LRP1B: variants seen among roughly 807,000 people sequenced by gnomAD.
LRP1B encodes low-density lipoprotein receptor-related protein 1B.
LRP1B carries 217 observed loss-of-function variants against 556.6 expected under a neutral mutation model. The ratio of observed to expected loss-of-function variants is 0.39; its 90% CI spans 0.35 to 0.44. LRP1B has a LOEUF of 0.44. Among genes scored for constraint, LRP1B ranks in the 20% least tolerant of loss-of-function variants. The pLI is 1.00. For synonymous variants in LRP1B, 2,047 were observed against 1,865.8 expected (o/e 1.10, Z -2.50); for missense variants, 5,053 against 5,620.8 (o/e 0.90, Z 3.23).
intron 2 of LRP1B, among the ~76,000 whole-genome samples, chr2:141,735,047 C>T (rs983404175): frequency 2.6e-5 from 4 of 152,074 alleles, no homozygotes; most frequent in Non-Finnish European, 5.9e-5. Context: ...AATCCTACTC[C>T]AGCTATATAC....
intron 1 of LRP1B, among the ~76,000 whole-genome samples, chr2:142,009,232 T>A (rs576617572): frequency 6.6e-6 from 1 of 152,324 alleles, no homozygotes; most frequent in Non-Finnish European, 1.5e-5. Flanking sequence ...GAAGTTATCA[T>A]AATGGCAGAA....
chr2:141,583,906 A>ATTTTTT (rs113916906), intron 2 of LRP1B, among the ~76,000 whole-genome samples: 14 of 145,526 alleles, frequency 9.6e-5, no homozygotes, highest in Middle Eastern at 3.6e-3. Flanking sequence ...TGCCCGGCTA[A>ATTTTTT]TTTTTTTTTT....
At chr2:141,870,649 A>G (rs565465539) in intron 1 of LRP1B, among the ~76,000 whole-genome samples, 1 of 152,102 alleles carries the variant, frequency 6.6e-6, no homozygotes, top group Non-Finnish European at 1.5e-5. Flanking sequence ...AGGGGAACCA[A>G]GTTACTGCCA....
intron 66 of LRP1B, among the ~76,000 whole-genome samples, chr2:140,393,871 T>G (rs148441538): frequency 8.2e-4 from 125 of 152,292 alleles, no homozygotes; most frequent in African/African-American, 2.9e-3. Context: ...CTCTTAACTA[T>G]CAAAGCATGA....
At chr2:141,461,821 T>A (rs1681883339) in intron 3 of LRP1B, among the ~76,000 whole-genome samples, 1 of 152,252 alleles carries the variant, frequency 6.6e-6, no homozygotes, top group African/African-American at 2.4e-5. Flanking sequence ...ACAGTTTTCA[T>A]CATCTAACCA....
At chr2:141,941,110 C>T (rs1405498666) in intron 1 of LRP1B, among the ~76,000 whole-genome samples, 1 of 152,108 alleles carries the variant, frequency 6.6e-6, no homozygotes, top group African/African-American at 2.4e-5. Flanking sequence ...AATGCAATGG[C>T]CTGAAAGAAT....
intron 66 of LRP1B, among the ~76,000 whole-genome samples, chr2:140,405,884 A>G (rs1471008582): frequency 1.3e-5 from 2 of 152,178 alleles, no homozygotes; most frequent in South Asian, 4.1e-4. Flanking sequence ...CCAGGAAAGG[A>G]CATAAAAATA....
At chr2:140,589,976 T>C (rs867865610) in intron 43 of LRP1B, among the ~76,000 whole-genome samples, 4 of 152,102 alleles carry the variant, frequency 2.6e-5, no homozygotes, top group Non-Finnish European at 5.9e-5. Context: ...TGTACTATAC[T>C]TTTCCAAGAT....
chr2:140,322,390 T>TCCTAGAACCTGAAGTACCATTGGGA (rs1320560218), intron 81 of LRP1B, among the ~76,000 whole-genome samples: 1 of 152,042 alleles, frequency 6.6e-6, no homozygotes, highest in African/African-American at 2.4e-5. Flanking sequence ...TAAGAGTTGG[T>TCCTAGAACCTGAAGTACCATTGGGA]CCTAGAACCT....
At chr2:141,303,949 C>T (rs556785796) in intron 3 of LRP1B, among the ~76,000 whole-genome samples, 2 of 152,244 alleles carry the variant, frequency 1.3e-5, no homozygotes, top group South Asian at 2.1e-4. Context: ...TTAATAATAA[C>T]CATTCTAATT....
intron 1 of LRP1B, among the ~76,000 whole-genome samples, chr2:141,955,716 T>C (rs1041637596): frequency 5.3e-5 from 8 of 151,998 alleles, no homozygotes; most frequent in Non-Finnish European, 1.0e-4. Flanking sequence ...TTTCCCTTAT[T>C]GAGAACCACA....
At chr2:140,701,097 T>TA in intron 40 of LRP1B, among the ~76,000 whole-genome samples, 1 of 152,260 alleles carries the variant, frequency 6.6e-6, no homozygotes, top group Non-Finnish European at 1.5e-5. Context: ...TAAGTGAAGA[T>TA]AAAAAATGCA....
At chr2:140,989,388 G>T in intron 17 of LRP1B, 144 bp downstream of exon 17, 3 of 802,450 alleles carry the variant, frequency 3.7e-6, no homozygotes, top group Non-Finnish European at 4.0e-6. Flanking sequence ...AGCCTTTGTG[G>T]CATCAAACTC....
At chr2:140,861,321 CG>C (rs1410059488) in intron 27 of LRP1B, among the ~76,000 whole-genome samples, 2 of 152,122 alleles carry the variant, frequency 1.3e-5, no homozygotes, top group African/African-American at 4.8e-5. Flanking sequence ...GCTGGAGAAT[CG>C]CTTGAACCTG....
chr2:140,327,852 G>A (rs1680572433), intron 79 of LRP1B, among the ~76,000 whole-genome samples: 1 of 151,896 alleles, frequency 6.6e-6, no homozygotes, highest in African/African-American at 2.4e-5. Context: ...GCCATATTTT[G>A]TACTATTGGA....
chr2:140,609,869 TATC>T (rs961312431), intron 41 of LRP1B, among the ~76,000 whole-genome samples: 4 of 152,138 alleles, frequency 2.6e-5, no homozygotes, highest in African/African-American at 9.7e-5. Context: ...AAAAAGCATG[TATC>T]ATATCTTTGT....
intron 3 of LRP1B, among the ~76,000 whole-genome samples, chr2:141,338,968 T>C (rs905916623): frequency 1.3e-5 from 2 of 152,066 alleles, no homozygotes; most frequent in Non-Finnish European, 2.9e-5. Context: ...CTGCCATTCA[T>C]AGGATATGAC....
At chr2:141,242,761 G>C (rs1407856482) in intron 5 of LRP1B, among the ~76,000 whole-genome samples, 1 of 152,036 alleles carries the variant, frequency 6.6e-6, no homozygotes, top group Non-Finnish European at 1.5e-5. Flanking sequence ...GAGCCCTAGG[G>C]GTTCAGGAGA....
chr2:140,445,609 A>G (rs1435849903), intron 63 of LRP1B, among the ~76,000 whole-genome samples: 3 of 152,046 alleles, frequency 2.0e-5, no homozygotes, highest in African/African-American at 7.2e-5. Context: ...ATTTTATCAT[A>G]TTATCTGGGA....
Sources: allele counts gnomAD v4.1 joint callset (sites outside exome capture counted in the v4.1 genomes callset), GRCh38; gene constraint gnomAD v4.1.1; transcripts MANE v1.5; gene names NCBI Gene and HGNC (gene_info 2026-07-23, HGNC 2026-07-21).